The following MAGI1 variants were observed in gnomAD, a reference collection of about 807,000 sequenced individuals.
MAGI1 encodes the protein membrane-associated guanylate kinase, WW and PDZ domain-containing protein 1.
A neutral mutation model predicts 139.9 loss-of-function variants in MAGI1; 58 were observed. The observed-to-expected ratio is 0.41, with a 90% CI of 0.34 to 0.52. MAGI1 has a LOEUF of 0.52. Among genes scored for constraint, MAGI1 ranks in the 20% least tolerant of loss-of-function variants. The pLI is 0.12. For missense variants in MAGI1, 1,874 were observed against 1,901.6 expected (o/e 0.99, Z 0.27); for synonymous variants, 812 against 737.9 (o/e 1.10, Z -1.63).
At chr3:65,935,707 G>C (rs1281334160) in intron 1 of MAGI1, among the ~76,000 whole-genome samples, 1 of 152,214 alleles carries the variant, frequency 6.6e-6, no homozygotes, top group Non-Finnish European at 1.5e-5. Context: ...ATGTGGTAAA[G>C]GTGACACTGT....
chr3:65,947,188 G>A (rs901668449), intron 1 of MAGI1, among the ~76,000 whole-genome samples: 2 of 152,108 alleles, frequency 1.3e-5, no homozygotes, highest in African/African-American at 4.8e-5. Context: ...GGATCCTAAT[G>A]TTGAAAGAAA....
chr3:65,584,167 C>A (rs2081567605), intron 2 of MAGI1, among the ~76,000 whole-genome samples: 1 of 151,532 alleles, frequency 6.6e-6, no homozygotes, highest in African/African-American at 2.4e-5. Flanking sequence ...CAAGCATTGC[C>A]CAGCCTACAG....
chr3:65,805,484 T>C (rs1331837609), intron 1 of MAGI1, among the ~76,000 whole-genome samples: 1 of 152,216 alleles, frequency 6.6e-6, no homozygotes, highest in African/African-American at 2.4e-5. Context: ...TTTTACAGTG[T>C]TGGTGGGAAC....
chr3:65,713,781 ACAAAACAGACATGGTTC>A (rs2031838811), intron 1 of MAGI1, among the ~76,000 whole-genome samples: 1 of 152,212 alleles, frequency 6.6e-6, no homozygotes, highest in Non-Finnish European at 1.5e-5. Flanking sequence ...ACCCTGGGGT[ACAAAACAGACATGGTTC>A]CTAAACATTT....
At chr3:65,512,353 C>G (rs377665924) in intron 2 of MAGI1, among the ~76,000 whole-genome samples, 4 of 144,502 alleles carry the variant, frequency 2.8e-5, no homozygotes, top group African/African-American at 7.6e-5. Flanking sequence ...TTCAAAAAAT[C>G]AATGAATCCA....
chr3:65,990,861 C>T (rs565599439), intron 1 of MAGI1, among the ~76,000 whole-genome samples: 1 of 152,218 alleles, frequency 6.6e-6, no homozygotes, highest in Admixed American at 6.5e-5. Context: ...GTGGTGCATG[C>T]CTGTCGTCCT....
intron 1 of MAGI1, among the ~76,000 whole-genome samples, chr3:65,775,236 A>T (rs753962145): frequency 6.6e-6 from 1 of 152,064 alleles, no homozygotes; most frequent in Non-Finnish European, 1.5e-5. Context: ...CCTTGAGTCC[A>T]GGAGTTTCAG....
At chr3:65,359,170 C>T in intron 22 of MAGI1, 1 of 1,611,886 alleles carries the variant, frequency 6.2e-7, no homozygotes. Flanking sequence ...AGGGAGGGCC[C>T]AGCACCAAGA....
intron 1 of MAGI1, among the ~76,000 whole-genome samples, chr3:65,956,926 G>A (rs373021612): frequency 9.2e-5 from 14 of 152,008 alleles, no homozygotes; most frequent in East Asian, 5.8e-4. Flanking sequence ...CACTTGAACC[G>A]TGGAGGGAGA....
chr3:66,004,913 G>A (rs1297539202), intron 1 of MAGI1, among the ~76,000 whole-genome samples: 1 of 152,090 alleles, frequency 6.6e-6, no homozygotes, highest in Non-Finnish European at 1.5e-5. Context: ...CACTACTCCT[G>A]GCAACAATTA....
chr3:65,776,401 G>C (rs888746952), intron 1 of MAGI1, among the ~76,000 whole-genome samples: 6 of 151,878 alleles, frequency 4.0e-5, no homozygotes, highest in African/African-American at 7.3e-5. Context: ...ATTTTTCAAA[G>C]CCTCTGAGTC....
chr3:65,863,592 A>G (rs1310830475), intron 1 of MAGI1, among the ~76,000 whole-genome samples: 1 of 152,178 alleles, frequency 6.6e-6, no homozygotes, highest in African/African-American at 2.4e-5. Context: ...GCCCTGGTTG[A>G]GATATACAAA....
intron 1 of MAGI1, among the ~76,000 whole-genome samples, chr3:65,727,114 G>A (rs1403516508): frequency 1.3e-5 from 2 of 152,156 alleles, no homozygotes; most frequent in East Asian, 3.9e-4. Context: ...AATATGTGTA[G>A]GAAGTAGTGA....
intron 1 of MAGI1, among the ~76,000 whole-genome samples, chr3:65,824,756 C>T (rs1272737091): frequency 1.3e-5 from 2 of 152,152 alleles, no homozygotes; most frequent in East Asian, 3.9e-4. Context: ...GGCCATGTTA[C>T]TACAAGTCAT....
chr3:65,707,514 GTCTC>G lies in MAGI1; in HGVS notation c.314-85430_314-85427del, dbSNP rs1265736468. 2.0e-5 allele frequency among the ~76,000 whole-genome samples: 3 copies of G among 152,080 alleles called. No individual in the cohort carries two copies. The East Asian group carries it at 5.8e-4, about 30-fold the overall frequency. ...ATCCTGGGCAACACAGTGAGACACTGTCTCTCTAACAAAAAAAATTTTTTAAATA... is the reference window on the plus strand; with the variant it reads ...ATCCTGGGCAACACAGTGAGACACTGTCTAACAAAAAAAATTTTTTAAATA... On this transcript the variant is annotated intron_variant, in intron 1 of 22. Transcript: ENST00000402939.
intron 1 of MAGI1, among the ~76,000 whole-genome samples, chr3:65,839,500 A>C (rs2058736058): frequency 6.6e-6 from 1 of 152,148 alleles, no homozygotes; most frequent in Admixed American, 6.5e-5. Context: ...CCGCTCCATG[A>C]GTGACAAAGG....
intron 1 of MAGI1, among the ~76,000 whole-genome samples, chr3:65,695,365 T>C (rs1380748150): frequency 6.6e-6 from 1 of 152,202 alleles, no homozygotes; most frequent in East Asian, 1.9e-4. Flanking sequence ...GTTCACCTTA[T>C]GGAAGCAGAT....
chr3:65,690,499 C>G (rs1385161780), intron 1 of MAGI1, among the ~76,000 whole-genome samples: 1 of 152,154 alleles, frequency 6.6e-6, no homozygotes, highest in Middle Eastern at 3.4e-3. Flanking sequence ...TTCTTTGAGA[C>G]ACAGTCTTGC....
chr3:65,912,416 C>A (rs1467207060), intron 1 of MAGI1, among the ~76,000 whole-genome samples: 2 of 152,132 alleles, frequency 1.3e-5, no homozygotes, highest in Non-Finnish European at 2.9e-5. Context: ...AGGGATAATT[C>A]ACACATGGAT....
Sources: gnomAD v4.1 joint callset for allele counts (sites outside exome capture counted in the v4.1 genomes callset) on GRCh38, gnomAD v4.1.1 for gene constraint, MANE v1.5 for transcripts, NCBI Gene and HGNC (gene_info 2026-07-23, HGNC 2026-07-21) for gene names.